BLM: variants seen among roughly 807,000 people sequenced by gnomAD.
BLM encodes the protein recQ-like DNA helicase BLM.
BLM carries 95 observed loss-of-function variants against 135.3 expected under a neutral mutation model. The ratio of observed to expected loss-of-function variants is 0.70; its 90% CI spans 0.59 to 0.83. BLM has a LOEUF of 0.83. BLM is among the 40% of genes least tolerant of loss of function. The pLI is 0.00. For missense variants in BLM, 1,518 were observed against 1,663.9 expected, an observed-to-expected ratio of 0.91 and a Z score of 1.53; for synonymous variants, 520 against 589.2, an observed-to-expected ratio of 0.88 and a Z score of 1.70.
Position 90,723,131 on chromosome 15 carries a change from C to T in BLM, c.-5+5691C>T, listed in dbSNP as rs368334916. ...TGCTGGGATTACAGGCATGAGCCAC[C>T]GCTCCTGGCCCTATTGTCCCAATTT... On this transcript the variant is annotated intron_variant, in intron 1 of 21. Transcript: ENST00000355112. 3.9e-4 allele frequency among the ~76,000 whole-genome samples: 60 copies of T among 152,162 alleles called. 1 individual carries two copies. The East Asian group carries it at 7.4e-3, about 19-fold the overall frequency.
intron 17 of BLM, among the ~76,000 whole-genome samples, chr15:90,798,759 A>G (rs1281957855): frequency 6.6e-6 from 1 of 152,170 alleles, no homozygotes; most frequent in Non-Finnish European, 1.5e-5. Flanking sequence ...AGGCGGGCGG[A>G]TCACCTGAGA....
chr15:90,777,663 T>G (rs1428367728), intron 12 of BLM, among the ~76,000 whole-genome samples: 2 of 152,220 alleles, frequency 1.3e-5, no homozygotes, highest in South Asian at 4.1e-4. Flanking sequence ...ATCTAACTTT[T>G]AAGAAAACTT....
chr15:90,750,008 A>G lies in BLM; in HGVS notation c.740A>G (p.His247Arg). The G allele has an allele frequency of 1.2e-6, 2 of 1,614,232 alleles. No homozygotes were observed. The highest frequency in any genetic ancestry group is 1.7e-6 in the Non-Finnish European group (2 of 1,180,036). ...GATGATGGCCCCATTGCTGAAGTGC[A>G]TATAAATGAAGATGCTCAGGAAAGT... Reference protein sequence around the residue: ...CIDDGPIAEVHINEDAQESDS... With the variant: ...CIDDGPIAEVRINEDAQESDS... The change falls in exon 3 of 22, where the codon CAT becomes CGT. Residue 247 changes from histidine to arginine, a missense_variant. By Grantham distance (29) the His-to-Arg change is conservative. Around this residue, in one of 5 missense-constraint regions of BLM, gnomAD observed 724 missense variants for 756.9 expected, o/e 0.96. Transcript: ENST00000355112.
At chr15:90,807,609 G>A (rs947389888) in intron 19 of BLM, among the ~76,000 whole-genome samples, 2 of 152,006 alleles carry the variant, frequency 1.3e-5, no homozygotes, top group Non-Finnish European at 2.9e-5. Context: ...CTGTTACCCA[G>A]ACTGGTCTCA....
chr15:90,734,539 C>T (rs549263847), intron 1 of BLM, among the ~76,000 whole-genome samples: 5 of 152,230 alleles, frequency 3.3e-5, no homozygotes, highest in East Asian at 1.9e-4. Context: ...CTGCCCACCT[C>T]GGCCTCCCAA....
intron 7 of BLM, among the ~76,000 whole-genome samples, chr15:90,762,683 C>T (rs1896018325): frequency 6.6e-6 from 1 of 151,542 alleles, no homozygotes; most frequent in African/African-American, 2.4e-5. Flanking sequence ...GAGTAGAAAA[C>T]CATGATTGTC....
intron 16 of BLM, 95 bp from the exon 17 acceptor site, chr15:90,798,095 G>T (rs2151190143): frequency 8.8e-7 from 1 of 1,130,966 alleles, no homozygotes; most frequent in Non-Finnish European, 1.2e-6. Flanking sequence ...TCTGGAAATG[G>T]GTTATGATGA....
At chr15:90,794,400 TTC>T in intron 16 of BLM, 43 bp downstream of exon 16, 1 of 1,419,988 alleles carries the variant, frequency 7.0e-7, no homozygotes, top group Non-Finnish European at 9.5e-7. Flanking sequence ...TAAATTTTTT[TTC>T]TCTTACTTTA....
At chr15:90,731,146 G>A (rs941075425) in intron 1 of BLM, among the ~76,000 whole-genome samples, 1 of 152,028 alleles carries the variant, frequency 6.6e-6, no homozygotes, top group African/African-American at 2.4e-5. Flanking sequence ...TAATCACACT[G>A]CCCAGGCTGG....
At chr15:90,799,583 G>A (rs1242399771) in intron 17 of BLM, among the ~76,000 whole-genome samples, 3 of 127,084 alleles carry the variant, frequency 2.4e-5, no homozygotes, top group Non-Finnish European at 3.2e-5. Context: ...AGAGATAAAA[G>A]TTTTGGATTA....
At chr15:90,756,752 A>G (rs1330881050) in intron 5 of BLM, among the ~76,000 whole-genome samples, 1 of 152,200 alleles carries the variant, frequency 6.6e-6, no homozygotes, top group Non-Finnish European at 1.5e-5. Flanking sequence ...TGGAGACACA[A>G]AAGACTTGAC....
intron 21 of BLM, among the ~76,000 whole-genome samples, chr15:90,813,100 A>G (rs1054883509): frequency 2.0e-5 from 3 of 152,166 alleles, no homozygotes; most frequent in Non-Finnish European, 4.4e-5. Context: ...CTCGATTTCA[A>G]AGGTAGAAGC....
chr15:90,807,752 C>G (rs978318876), intron 19 of BLM, among the ~76,000 whole-genome samples: 69 of 152,212 alleles, frequency 4.5e-4, no homozygotes, highest in African/African-American at 1.6e-3. Context: ...TGTTTCAGAA[C>G]TTTTCTGCAT....
rs768933887 is a variant in BLM at position 90,749,621 on chromosome 15, T to C, written c.353T>C (p.Val118Ala). The C allele has an allele frequency of 3.7e-6, 6 of 1,614,034 alleles. No homozygotes were observed. The Admixed American group carries it at 1.0e-4, about 27-fold the overall frequency. Reference sequence around the variant, plus strand: ...GATTTCTTGCAGACTCCGAAGGAAGTTGTATGCACTACCCAAAACACACCA... The same window carrying C: ...GATTTCTTGCAGACTCCGAAGGAAGCTGTATGCACTACCCAAAACACACCA... ...LPDFLQTPKE[V>A]VCTTQNTPTV... Residue 118 changes from valine to alanine, a missense_variant, in exon 3 of 22, where the codon GTT becomes GCT. Transcript: ENST00000355112.
At chr15:90,803,995 A>C (rs1008161965) in intron 18 of BLM, among the ~76,000 whole-genome samples, 172 bp from the exon 19 acceptor site, 13 of 152,226 alleles carry the variant, frequency 8.5e-5, no homozygotes, top group African/African-American at 3.1e-4. Context: ...TCTATGCTTG[A>C]CACTGGAGAT....
chr15:90,776,638 C>T (rs1453575171), intron 12 of BLM, among the ~76,000 whole-genome samples: 1 of 152,222 alleles, frequency 6.6e-6, no homozygotes, highest in African/African-American at 2.4e-5. Context: ...CCTCCTGCCT[C>T]AACCCGCCAA....
intron 1 of BLM, among the ~76,000 whole-genome samples, chr15:90,738,753 A>G (rs1234016121): frequency 6.6e-6 from 1 of 152,214 alleles, no homozygotes; most frequent in African/African-American, 2.4e-5. Context: ...CAAAACCAGG[A>G]GATAAGACCT....
chr15:90,725,517 G>A (rs188919410), intron 1 of BLM, among the ~76,000 whole-genome samples: 3 of 147,370 alleles, frequency 2.0e-5, no homozygotes, highest in African/African-American at 7.5e-5. Context: ...TTTTTGAGGC[G>A]GAGTCTCACT....
At chr15:90,744,051 T>C (rs986653719) in intron 1 of BLM, among the ~76,000 whole-genome samples, 35 of 152,330 alleles carry the variant, frequency 2.3e-4, no homozygotes, top group African/African-American at 7.9e-4. Context: ...AACCATGCTG[T>C]GGAGTAATGT....
Sources: allele counts gnomAD v4.1 joint callset (sites outside exome capture counted in the v4.1 genomes callset), GRCh38; gene constraint gnomAD v4.1.1; regional missense constraint gnomAD v4.1.1; transcripts MANE v1.5; gene names NCBI Gene and HGNC (gene_info 2026-07-23, HGNC 2026-07-21).